Variants in RAI14 observed in about 807,000 individuals in gnomAD.
RAI14 encodes the protein ankycorbin.
A neutral mutation model predicts 115.4 loss-of-function variants in RAI14; 45 were observed. The observed-to-expected ratio is 0.39, with a 90% confidence interval of 0.31 to 0.50. The LOEUF is 0.50. RAI14 is among the 20% of genes least tolerant of loss of function. RAI14 has a pLI of 0.85. For missense variants in RAI14, 939 were observed against 1,131.2 expected (o/e 0.83, Z 2.44); for synonymous variants, 371 against 415.4 (o/e 0.89, Z 1.30).
chr5:34,746,815 A>G (rs1443160564), intron 2 of RAI14, among the ~76,000 whole-genome samples: 1 of 152,128 alleles, frequency 6.6e-6, no homozygotes, highest in East Asian at 1.9e-4. Context: ...CTCAACTTGA[A>G]TTGTATCTCT....
intron 2 of RAI14, among the ~76,000 whole-genome samples, chr5:34,692,960 C>T (rs1738815432): frequency 6.6e-6 from 1 of 152,142 alleles, no homozygotes; most frequent in Non-Finnish European, 1.5e-5. Context: ...ATGCTCTGAC[C>T]TAGATTCTGG....
intron 1 of RAI14, among the ~76,000 whole-genome samples, chr5:34,661,013 A>G (rs1742650960): frequency 6.6e-6 from 1 of 151,880 alleles, no homozygotes; most frequent in African/African-American, 2.4e-5. Context: ...TGCTTTATTT[A>G]CCTCCAAGGC....
intron 2 of RAI14, among the ~76,000 whole-genome samples, chr5:34,756,640 AATTCTCTC>A (rs1416939609): frequency 4.6e-5 from 7 of 151,982 alleles, no homozygotes. Flanking sequence ...CTGGTTCTAT[AATTCTCTC>A]CCTCCTCTGC....
In RAI14 at chr5:34,823,492, A is replaced by C; in HGVS notation, c.1650A>C (p.Lys550Asn). The change falls in exon 15 of 18, where the codon AAA becomes AAC. Residue 550 changes from lysine to asparagine, a missense_variant. Coordinates refer to ENST00000265109, the MANE Select transcript of RAI14 (RefSeq NM_015577.3). The surrounding 1 kb of genome is among the most constrained non-coding windows in gnomAD (Gnocchi z 4.5). ...CATTAGAAGAAAGTGAAAGAAATAAAGAGAAAGTGAGAGAGTTAGAGGAAA... is the reference window on the plus strand; with the variant it reads ...CATTAGAAGAAAGTGAAAGAAATAACGAGAAAGTGAGAGAGTTAGAGGAAA... ...QNALEESERN[K>N]EKVRELEEKL... is the part of the protein sequence containing the mutation. 1.9e-6 allele frequency: 3 copies of C among 1,614,178 alleles called. No homozygotes were observed. The highest frequency in any genetic ancestry group is 2.5e-6 in the Non-Finnish European group (3 of 1,180,024).
At chr5:34,799,509 C>G (rs958842388) in intron 4 of RAI14, among the ~76,000 whole-genome samples, 122 of 78,670 alleles carry the variant, frequency 1.6e-3, no homozygotes, top group Middle Eastern at 6.0e-3. Context: ...CACACACACA[C>G]ACACACACAC....
chr5:34,678,282 G>A (rs941267126), intron 1 of RAI14, among the ~76,000 whole-genome samples: 1 of 152,052 alleles, frequency 6.6e-6, no homozygotes, highest in African/African-American at 2.4e-5. Context: ...TATTTGACTG[G>A]TACTACAGCA....
At chr5:34,821,662 G>A (rs1756843821) in intron 13 of RAI14, 70 bp from the exon 14 acceptor site, 1 of 943,382 alleles carries the variant, frequency 1.1e-6, no homozygotes, top group East Asian at 2.5e-5. Context: ...GCTAGGAAGT[G>A]AATTTGTCTC....
chr5:34,727,417 G>T (rs1222123324), intron 2 of RAI14, among the ~76,000 whole-genome samples: 2 of 152,228 alleles, frequency 1.3e-5, no homozygotes, highest in Admixed American at 1.3e-4. Flanking sequence ...CAAGTCTGTT[G>T]TAGAAATTTG....
intron 7 of RAI14, among the ~76,000 whole-genome samples, chr5:34,809,288 C>G (rs1489347054): frequency 6.6e-6 from 1 of 152,214 alleles, no homozygotes; most frequent in Non-Finnish European, 1.5e-5. Flanking sequence ...AGACATCATT[C>G]TGTTTATAGC....
intron 3 of RAI14, among the ~76,000 whole-genome samples, chr5:34,762,920 AGTGTGTGCATGTGT>A (rs1474381078): frequency 8.7e-5 from 12 of 137,636 alleles, no homozygotes; most frequent in Admixed American, 8.1e-4. Flanking sequence ...AGATATAAGG[AGTGTGTGCATGTGT>A]GTGTGTGTGT....
chr5:34,825,971 G>T (rs1264150663), intron 15 of RAI14: 1 of 160,420 alleles, frequency 6.2e-6, no homozygotes, highest in Non-Finnish European at 1.4e-5. Context: ...AAATATAGCT[G>T]TCTCCAAATA....
chr5:34,760,230 G>A (rs922444740), intron 3 of RAI14, among the ~76,000 whole-genome samples: 1 of 152,230 alleles, frequency 6.6e-6, no homozygotes, highest in East Asian at 1.9e-4. Flanking sequence ...TGTATTTTTA[G>A]TAGAGACGGG....
intron 4 of RAI14, among the ~76,000 whole-genome samples, chr5:34,798,192 C>A (rs2150215363): frequency 6.6e-6 from 1 of 152,228 alleles, no homozygotes; most frequent in East Asian, 1.9e-4. Flanking sequence ...CCCACCACCA[C>A]CACGCCCGGC....
intron 12 of RAI14, among the ~76,000 whole-genome samples, chr5:34,816,159 CA>C (rs1211313051): frequency 5.9e-5 from 9 of 152,006 alleles, no homozygotes; most frequent in Non-Finnish European, 8.8e-5. Flanking sequence ...AGTAATTTAC[CA>C]ATTGACAAAT....
chr5:34,725,982 A>C (rs1743415029), intron 2 of RAI14, among the ~76,000 whole-genome samples: 2 of 145,340 alleles, frequency 1.4e-5, no homozygotes, highest in Admixed American at 6.9e-5. Context: ...AAAAAAAGCC[A>C]CAAATACATT....
intron 2 of RAI14, chr5:34,688,440 T>C (rs945356751): frequency 9.7e-6 from 4 of 410,358 alleles, no homozygotes; most frequent in Non-Finnish European, 8.6e-6. Context: ...AGAGGAATGA[T>C]AGGCACATAA....
At chr5:34,723,265 A>C (rs985629410) in intron 2 of RAI14, among the ~76,000 whole-genome samples, 1 of 151,396 alleles carries the variant, frequency 6.6e-6, no homozygotes, top group South Asian at 2.1e-4. Context: ...CTATAGAGAG[A>C]AAAAAAAAGG....
At chr5:34,811,614 G>A (rs1423164424) in intron 8 of RAI14, among the ~76,000 whole-genome samples, 153 bp from the exon 9 acceptor site, 1 of 147,878 alleles carries the variant, frequency 6.8e-6, no homozygotes, top group Non-Finnish European at 1.5e-5. Context: ...ATTTCATCTT[G>A]ATTGCATTCC....
intron 2 of RAI14, among the ~76,000 whole-genome samples, chr5:34,697,118 A>C (rs1270687898): frequency 6.6e-6 from 1 of 151,040 alleles, no homozygotes; most frequent in African/African-American, 2.4e-5. Flanking sequence ...CCGACAGAGT[A>C]AGACTCCATC....
Sources: allele counts gnomAD v4.1 joint callset (sites outside exome capture counted in the v4.1 genomes callset), GRCh38; gene constraint gnomAD v4.1.1; non-coding constraint Gnocchi (gnomAD v3.1); transcripts MANE v1.5; gene names NCBI Gene and HGNC (gene_info 2026-07-23, HGNC 2026-07-21).